GREB1L: variants seen among roughly 807,000 people sequenced by gnomAD.
The protein encoded by GREB1L is GREB1-like protein.
A neutral mutation model predicts 200.8 loss-of-function variants in GREB1L; 17 were observed. The ratio of observed to expected loss-of-function variants is 0.08; its 90% confidence interval spans 0.06 to 0.13. The LOEUF is 0.13. GREB1L is among the 10% of genes least tolerant of loss of function. GREB1L has a pLI of 1.00. For synonymous variants in GREB1L, 789 were observed against 893.0 expected, an observed-to-expected ratio of 0.88 and a Z score of 2.08; for missense variants, 1,657 against 2,367.7, an observed-to-expected ratio of 0.70 and a Z score of 6.23.
At chr18:21,422,482 T>C (rs2032237643) in intron 7 of GREB1L, among the ~76,000 whole-genome samples, 1 of 152,208 alleles carries the variant, frequency 6.6e-6, no homozygotes, top group Non-Finnish European at 1.5e-5. Context: ...TAGATTTTCT[T>C]TATATCTATT....
chr18:21,376,774 C>A (rs1598717833), intron 2 of GREB1L, among the ~76,000 whole-genome samples: 1 of 133,798 alleles, frequency 7.5e-6, no homozygotes. Context: ...CACTGCACTC[C>A]AGCCTGGGCA....
At chr18:21,372,071 T>C (rs2039896065) in intron 2 of GREB1L, among the ~76,000 whole-genome samples, 1 of 152,120 alleles carries the variant, frequency 6.6e-6, no homozygotes, top group South Asian at 2.1e-4. Flanking sequence ...TGCTGAGTGA[T>C]TAATTGTTAA....
intron 14 of GREB1L, among the ~76,000 whole-genome samples, chr18:21,454,053 G>A (rs1376449381): frequency 1.3e-5 from 2 of 152,216 alleles, no homozygotes; most frequent in Non-Finnish European, 2.9e-5. Flanking sequence ...AGCTGCGACA[G>A]TGTAGTCGGT....
intron 1 of GREB1L, among the ~76,000 whole-genome samples, chr18:21,289,171 AG>A (rs1440461509): frequency 2.0e-5 from 3 of 152,212 alleles, no homozygotes; most frequent in Non-Finnish European, 4.4e-5. Context: ...ACTTACTGAA[AG>A]GAAACTGCTA....
rs190610441 is a variant in GREB1L, at chr18:21,449,249, C to T, written c.1394-261C>T. On this transcript the variant is annotated intron_variant, in intron 11 of 32. Coordinates refer to ENST00000424526, the MANE Select transcript of GREB1L (RefSeq NM_001142966.3). Reference sequence around the variant, plus strand: ...GTGGAATTAATGGTTTCTCTTGGTACCTCCTCTTTTAAAGAGATCAGGAAT... The same window carrying T: ...GTGGAATTAATGGTTTCTCTTGGTATCTCCTCTTTTAAAGAGATCAGGAAT... 6.3e-4 allele frequency among the ~76,000 whole-genome samples: 96 copies of T among 152,254 alleles called. No homozygotes were observed. In the Middle Eastern group the frequency reaches 0.014, roughly 22 times the overall value.
intron 7 of GREB1L, among the ~76,000 whole-genome samples, chr18:21,410,334 C>T (rs190050220): frequency 6.6e-6 from 1 of 151,914 alleles, no homozygotes; most frequent in East Asian, 1.9e-4. Context: ...TTATAACTGT[C>T]AGTATAAAGG....
At chr18:21,385,497 C>T (rs2040502496) in intron 4 of GREB1L, among the ~76,000 whole-genome samples, 1 of 152,006 alleles carries the variant, frequency 6.6e-6, no homozygotes, top group South Asian at 2.1e-4. Context: ...TGGCCTCTAG[C>T]AATTAGTACT....
At chr18:21,244,796 G>A (rs1388610632) in intron 1 of GREB1L, among the ~76,000 whole-genome samples, 1 of 152,136 alleles carries the variant, frequency 6.6e-6, no homozygotes, top group African/African-American at 2.4e-5. Flanking sequence ...CCGGGCTGAG[G>A]GCCTCTCATG....
chr18:21,304,131 T>C (rs1212988345), intron 1 of GREB1L, among the ~76,000 whole-genome samples: 1 of 152,200 alleles, frequency 6.6e-6, no homozygotes, highest in African/African-American at 2.4e-5. Context: ...GTGACCTATG[T>C]GTCAGGCTTA....
chr18:21,391,139 T>C (rs2144258934), intron 4 of GREB1L, among the ~76,000 whole-genome samples: 1 of 152,334 alleles, frequency 6.6e-6, no homozygotes, highest in East Asian at 1.9e-4. Context: ...ATTCACTCAT[T>C]ACTCACTCAC....
intron 1 of GREB1L, among the ~76,000 whole-genome samples, chr18:21,277,775 C>T (rs1450497498): frequency 1.3e-5 from 2 of 152,202 alleles, no homozygotes; most frequent in Admixed American, 6.5e-5. Context: ...GCATGAGCCA[C>T]CAGACCGTCA....
At position 21,336,704 on chromosome 18, in the gene GREB1L, C is replaced by G. The variant is rs1354452209; in HGVS notation, c.-119-29323C>G. On this transcript the variant is annotated intron_variant, in intron 1 of 32. Transcript: ENST00000424526. Reference sequence around the variant, plus strand: ...TTCAGTTTATACAGTGATCTATTTCCCTTTCTGGCATACACTAACTTTAGC... The same window carrying G: ...TTCAGTTTATACAGTGATCTATTTCGCTTTCTGGCATACACTAACTTTAGC... Among the ~76,000 whole-genome samples the G allele has an allele frequency of 1.1e-4, 16 of 152,194 alleles. No homozygotes were observed. The East Asian group carries it at 3.1e-3, about 29-fold the overall frequency.
intron 15 of GREB1L, among the ~76,000 whole-genome samples, chr18:21,470,185 CGCTGAGGCAGGAG>C (rs1490980350): frequency 1.3e-5 from 2 of 151,822 alleles, no homozygotes; most frequent in Non-Finnish European, 2.9e-5. Context: ...CTACTCAGGA[CGCTGAGGCAGGAG>C]GATAGCTTGA....
At chr18:21,247,167 C>T (rs2037618214) in intron 1 of GREB1L, among the ~76,000 whole-genome samples, 2 of 152,140 alleles carry the variant, frequency 1.3e-5, no homozygotes, top group Admixed American at 1.3e-4. Context: ...CCTTCAAGTC[C>T]AGATGTGGAG....
intron 17 of GREB1L, among the ~76,000 whole-genome samples, chr18:21,483,850 C>T (rs930055712): frequency 6.6e-6 from 1 of 151,788 alleles, no homozygotes; most frequent in Non-Finnish European, 1.5e-5. Flanking sequence ...GTGGTACATG[C>T]CTGTAGTCCC....
chr18:21,514,610 GT>G (rs535816860), intron 28 of GREB1L, among the ~76,000 whole-genome samples: 164 of 152,298 alleles, frequency 1.1e-3, no homozygotes, highest in African/African-American at 3.7e-3. Context: ...CCCCAACTCT[GT>G]TTTTTGTTTA....
chr18:21,274,404 AAC>A (rs1226829023), intron 1 of GREB1L, among the ~76,000 whole-genome samples: 1 of 151,916 alleles, frequency 6.6e-6, no homozygotes, highest in East Asian at 1.9e-4. Flanking sequence ...ACACACAAAC[AAC>A]ACAATTTTTA....
At chr18:21,503,318 T>A (rs1285427851) in intron 23 of GREB1L, among the ~76,000 whole-genome samples, 1 of 151,584 alleles carries the variant, frequency 6.6e-6, no homozygotes, top group Admixed American at 6.6e-5. Flanking sequence ...GCAGTTCTCC[T>A]GCCTCAGCCT....
intron 1 of GREB1L, among the ~76,000 whole-genome samples, chr18:21,243,024 CGT>C (rs2037530482): frequency 6.6e-6 from 1 of 152,028 alleles, no homozygotes; most frequent in African/African-American, 2.4e-5. Context: ...AGCGGGCGCG[CGT>C]GTCTTCCGGC....
Sources: gnomAD v4.1 joint callset for allele counts (sites outside exome capture counted in the v4.1 genomes callset) on GRCh38, gnomAD v4.1.1 for gene constraint, MANE v1.5 for transcripts, NCBI Gene and HGNC (gene_info 2026-07-23, HGNC 2026-07-21) for gene names.